SLC35F1: variants seen among roughly 807,000 people sequenced by gnomAD.
The protein encoded by SLC35F1 is chromosome 6 open reading frame 169.
In SLC35F1, 14 loss-of-function variants were observed where a neutral mutation model predicts 48.7. That is an observed-to-expected ratio of 0.29 (90% CI 0.19 to 0.45). The LOEUF (loss-of-function observed/expected upper bound fraction) is 0.45, where lower values mean the gene tolerates loss of function less well. SLC35F1 is among the 20% of genes least tolerant of loss of function. The pLI, the probability that SLC35F1 is intolerant of heterozygous loss-of-function variation, is 1.00. For synonymous variants in SLC35F1, 190 were observed against 202.2 expected (o/e 0.94, Z 0.51); for missense variants, 404 against 500.0 (o/e 0.81, Z 1.83).
At chr6:118,155,473 C>T (rs1774125619) in intron 2 of SLC35F1, among the ~76,000 whole-genome samples, 2 of 152,192 alleles carry the variant, frequency 1.3e-5, no homozygotes. Flanking sequence ...CTTGCCCTCT[C>T]CTGCTCTCTC....
At chr6:118,077,899 C>T (rs1772845567) in intron 1 of SLC35F1, among the ~76,000 whole-genome samples, 1 of 152,164 alleles carries the variant, frequency 6.6e-6, no homozygotes, top group South Asian at 2.1e-4. Context: ...CCTAGTCTGG[C>T]TGTGTTTTAA....
At chr6:117,921,361 C>A (rs1208872996) in intron 1 of SLC35F1, among the ~76,000 whole-genome samples, 2 of 152,258 alleles carry the variant, frequency 1.3e-5, no homozygotes, top group African/African-American at 2.4e-5. Context: ...GGGTTTCCCC[C>A]CATGTTCCTG....
At chr6:117,911,289 A>G (rs1775758599) in intron 1 of SLC35F1, among the ~76,000 whole-genome samples, 1 of 152,224 alleles carries the variant, frequency 6.6e-6, no homozygotes, top group Admixed American at 6.5e-5. Flanking sequence ...AAATGCTGGA[A>G]TAATTACTAC....
chr6:118,055,055 G>GAATC (rs1163618950), intron 1 of SLC35F1, among the ~76,000 whole-genome samples: 1 of 152,132 alleles, frequency 6.6e-6, no homozygotes, highest in Admixed American at 6.5e-5. Flanking sequence ...GATTACAGGT[G>GAATC]CGAGCCACCG....
intron 1 of SLC35F1, among the ~76,000 whole-genome samples, chr6:117,997,186 G>C (rs1221716233): frequency 6.6e-6 from 1 of 152,092 alleles, no homozygotes; most frequent in African/African-American, 2.4e-5. Flanking sequence ...GATGGAAGAT[G>C]AAATGAATGA....
At chr6:118,031,712 G>A (rs760220587) in intron 1 of SLC35F1, among the ~76,000 whole-genome samples, 13 of 152,198 alleles carry the variant, frequency 8.5e-5, no homozygotes, top group Non-Finnish European at 1.8e-4. Context: ...AGTGTGCTGC[G>A]AGTAGCAGCA....
chr6:118,296,759 C>G (rs904134245), intron 7 of SLC35F1, among the ~76,000 whole-genome samples: 9 of 152,112 alleles, frequency 5.9e-5, no homozygotes, highest in Non-Finnish European at 1.3e-4. Flanking sequence ...TGGATTGGGG[C>G]ATAACCAAGA....
At position 118,315,673 on chromosome 6, in the gene SLC35F1, T is replaced by G. The variant is rs1468968426; in HGVS notation, c.*1421T>G. 1 of 152,118 alleles carries G rather than the reference T, an allele frequency of 6.6e-6. No individual in the cohort carries two copies. The highest frequency in any genetic ancestry group is 1.5e-5 in the Non-Finnish European group (1 of 68,064). The allele number at this position is 152,118 out of a possible 1,614,324, so 9.4% of individuals were successfully genotyped here. A position where few individuals can be genotyped will look rare whatever the true frequency, so the allele number is the denominator to read the frequency against. ...CCAGGATGGTCTCGATCTCCTGACC[T>G]CGTGATCCGCCCACCTTGGCCTCCC... On this transcript the variant is annotated 3_prime_UTR_variant, in exon 8 of 8. Coordinates refer to ENST00000360388, the MANE Select transcript of SLC35F1 (RefSeq NM_001029858.4).
chr6:118,039,590 A>T (rs1437349450), intron 1 of SLC35F1, among the ~76,000 whole-genome samples: 2 of 151,048 alleles, frequency 1.3e-5, no homozygotes, highest in African/African-American at 4.9e-5. Flanking sequence ...GTCTATTTTC[A>T]ATTTCCTTGC....
chr6:118,154,339 G>T, intron 1 of SLC35F1, 106 bp from the exon 2 acceptor site: 1 of 875,538 alleles, frequency 1.1e-6, no homozygotes, highest in Non-Finnish European at 1.8e-6. Context: ...ATATTTAATT[G>T]CACTTAATCC....
chr6:118,265,295 G>C (rs1419574415), intron 3 of SLC35F1, among the ~76,000 whole-genome samples: 2 of 152,034 alleles, frequency 1.3e-5, no homozygotes, highest in Non-Finnish European at 2.9e-5. Context: ...TGATGTTTCT[G>C]GTCATTAAAA....
intron 2 of SLC35F1, among the ~76,000 whole-genome samples, chr6:118,171,845 C>A (rs1210042194): frequency 6.6e-6 from 1 of 152,092 alleles, no homozygotes; most frequent in Non-Finnish European, 1.5e-5. Flanking sequence ...TTTCTTCTTT[C>A]TTTCATATAG....
chr6:118,195,066 G>A (rs891288590), intron 2 of SLC35F1, among the ~76,000 whole-genome samples: 3 of 152,086 alleles, frequency 2.0e-5, no homozygotes, highest in Non-Finnish European at 4.4e-5. Flanking sequence ...CCCAGTATTA[G>A]ACTGGCAAGG....
chr6:118,107,986 C>G (rs1773348661), intron 1 of SLC35F1, among the ~76,000 whole-genome samples: 1 of 152,138 alleles, frequency 6.6e-6, no homozygotes, highest in African/African-American at 2.4e-5. Context: ...CACAAGAAAA[C>G]TTCAGATCCT....
intron 1 of SLC35F1, among the ~76,000 whole-genome samples, chr6:118,007,602 C>A (rs1777190193): frequency 6.6e-6 from 1 of 152,164 alleles, no homozygotes. Flanking sequence ...TCAATCCACT[C>A]ATTCATAAAA....
At chr6:118,011,791 A>G (rs538994535) in intron 1 of SLC35F1, among the ~76,000 whole-genome samples, 6 of 152,312 alleles carry the variant, frequency 3.9e-5, no homozygotes, top group Non-Finnish European at 1.5e-5. Context: ...CTACAGTAGT[A>G]CACAGGACAG....
chr6:118,218,344 T>C (rs1775101837), intron 2 of SLC35F1, among the ~76,000 whole-genome samples: 1 of 152,142 alleles, frequency 6.6e-6, no homozygotes, highest in Non-Finnish European at 1.5e-5. Flanking sequence ...CCCTTCAGAC[T>C]TCCAGCCATA....
In SLC35F1 at chr6:117,938,565, G is replaced by A. The variant is rs958298356; in HGVS notation, c.173+30666G>A. Among the ~76,000 whole-genome samples the A allele has an allele frequency of 9.2e-5, 14 of 152,324 alleles. No homozygotes were observed. The East Asian group carries it at 1.2e-3, about 13-fold the overall frequency. On this transcript the variant is annotated intron_variant, in intron 1 of 7. Transcript: ENST00000360388. ...TTGGCATTTTGCCAGCAGGAGGGGCGGATTCCTGCTGAGTCACTAAGGCTC... is the reference window on the plus strand; with the variant it reads ...TTGGCATTTTGCCAGCAGGAGGGGCAGATTCCTGCTGAGTCACTAAGGCTC...
intron 1 of SLC35F1, among the ~76,000 whole-genome samples, chr6:118,101,867 C>T (rs113622372): frequency 2.6e-5 from 4 of 152,218 alleles, no homozygotes; most frequent in African/African-American, 9.6e-5. Flanking sequence ...TACACTCAAG[C>T]TCCCTTTTCT....
Sources: gnomAD v4.1 joint callset for allele counts (sites outside exome capture counted in the v4.1 genomes callset) on GRCh38, gnomAD v4.1.1 for gene constraint, MANE v1.5 for transcripts, NCBI Gene and HGNC (gene_info 2026-07-23, HGNC 2026-07-21) for gene names.